Variants in ACTR3C observed in about 807,000 individuals in gnomAD.
The protein encoded by ACTR3C is actin related protein 3C, also known as actin-related protein 3C.
ACTR3C carries 18 observed loss-of-function variants against 26.3 expected under a neutral mutation model. That is an observed-to-expected ratio of 0.68 (90% CI 0.47 to 1.01). The LOEUF (loss-of-function observed/expected upper bound fraction) is 1.01, where lower values mean the gene tolerates loss of function less well. Among genes scored for constraint, ACTR3C ranks in the 50% least tolerant of loss-of-function variants. ACTR3C has a pLI of 0.00. For missense variants in ACTR3C, 184 were observed against 250.7 expected (o/e 0.73, Z 1.80); for synonymous variants, 55 against 94.5 (o/e 0.58, Z 2.42).
chr7:150,320,201 G>A (rs905071651), intron 1 of ACTR3C, among the ~76,000 whole-genome samples: 4 of 152,210 alleles, frequency 2.6e-5, no homozygotes, highest in Admixed American at 6.5e-5. Flanking sequence ...AGGGTGAGTC[G>A]CAAAGTACAG....
chr7:150,322,903 T>C (rs1001693033), intron 1 of ACTR3C: 4 of 152,390 alleles, frequency 2.6e-5, no homozygotes, highest in African/African-American at 9.6e-5. Flanking sequence ...CCTGGATCCT[T>C]ATCGTCTTTG....
the ACTR3C span, among the ~76,000 whole-genome samples, chr7:150,041,775 C>CA: frequency 1.7e-5 from 2 of 117,934 alleles, no homozygotes; most frequent in South Asian, 5.8e-4. Flanking sequence ...GACTGGCTCT[C>CA]AGTCCCTGCC....
chr7:150,313,931 G>T (rs932738375), intron 1 of ACTR3C, among the ~76,000 whole-genome samples: 4 of 152,224 alleles, frequency 2.6e-5, no homozygotes, highest in Non-Finnish European at 5.9e-5. Context: ...GGACTGTGAA[G>T]AAGATGCACC....
At chr7:150,064,876 A>G in the ACTR3C span, among the ~76,000 whole-genome samples, 2 of 152,216 alleles carry the variant, frequency 1.3e-5, no homozygotes, top group African/African-American at 4.8e-5. Flanking sequence ...TGGTACTACT[A>G]TGTAAAAAGG....
chr7:150,070,693 TG>T, the ACTR3C span, among the ~76,000 whole-genome samples: 1 of 152,120 alleles, frequency 6.6e-6, no homozygotes, highest in Non-Finnish European at 1.5e-5. Flanking sequence ...TCAAGTGATC[TG>T]CCCCCCTCAG....
At chr7:150,303,785 T>C (rs1288415672) in intron 1 of ACTR3C, among the ~76,000 whole-genome samples, 2 of 152,242 alleles carry the variant, frequency 1.3e-5, no homozygotes, top group Non-Finnish European at 2.9e-5. Flanking sequence ...GGGTTTTTTC[T>C]CTCTTTAAGA....
chr7:149,993,023 G>A, the ACTR3C span, among the ~76,000 whole-genome samples: 2 of 151,472 alleles, frequency 1.3e-5, no homozygotes, highest in Admixed American at 1.3e-4. Context: ...GCTGAAAGAA[G>A]CATCCAGCAC....
intron 1 of ACTR3C, among the ~76,000 whole-genome samples, chr7:150,299,381 G>A (rs1171891701): frequency 4.7e-5 from 7 of 147,808 alleles, no homozygotes; most frequent in Non-Finnish European, 1.0e-4. Context: ...AGCCCAGGAG[G>A]TCGAGGCTGT....
At chr7:150,209,051 G>T in the ACTR3C span, among the ~76,000 whole-genome samples, 1 of 152,002 alleles carries the variant, frequency 6.6e-6, no homozygotes, top group Non-Finnish European at 1.5e-5. Flanking sequence ...AAATATTAAT[G>T]AACTTGAAGA....
the ACTR3C span, among the ~76,000 whole-genome samples, chr7:150,047,072 G>C: frequency 5.3e-5 from 8 of 151,864 alleles, no homozygotes; most frequent in South Asian, 4.2e-4. Context: ...CCGCTGGGGG[G>C]AAAAAGTGTC....
At chr7:150,225,930 A>G in the ACTR3C span, among the ~76,000 whole-genome samples, 1 of 152,236 alleles carries the variant, frequency 6.6e-6, no homozygotes, top group Non-Finnish European at 1.5e-5. Flanking sequence ...AGAATGTCAT[A>G]TAATGGAAAT....
downstream of ACTR3C, among the ~76,000 whole-genome samples, chr7:150,243,057 C>T (rs1170024161): frequency 6.6e-6 from 1 of 152,100 alleles, no homozygotes; most frequent in Non-Finnish European, 1.5e-5. Flanking sequence ...AGAGTTATTA[C>T]ATTTACTGTG....
chr7:150,098,848 C>A, the ACTR3C span, among the ~76,000 whole-genome samples: 4 of 151,546 alleles, frequency 2.6e-5, no homozygotes, highest in East Asian at 7.7e-4. Flanking sequence ...TAGGGGAACA[C>A]AAGGAAATCA....
At chr7:150,163,456 T>C in the ACTR3C span, among the ~76,000 whole-genome samples, 1 of 151,488 alleles carries the variant, frequency 6.6e-6, no homozygotes, top group Non-Finnish European at 1.5e-5. Flanking sequence ...ACTTATCTGT[T>C]TGTGTATATA....
the ACTR3C span, among the ~76,000 whole-genome samples, chr7:149,889,576 A>G: frequency 2.0e-5 from 3 of 152,216 alleles, no homozygotes; most frequent in Non-Finnish European, 4.4e-5. Flanking sequence ...TTAAAGTCAC[A>G]ATGAGACATT....
At chr7:149,933,149 A>G in the ACTR3C span, among the ~76,000 whole-genome samples, 17 of 139,938 alleles carry the variant, frequency 1.2e-4, no homozygotes, top group African/African-American at 3.9e-4. Flanking sequence ...TGGCCCAGGT[A>G]CTTCCCACCC....
At chr7:149,994,402 A>G in the ACTR3C span, among the ~76,000 whole-genome samples, 1 of 152,170 alleles carries the variant, frequency 6.6e-6, no homozygotes, top group Non-Finnish European at 1.5e-5. Context: ...GTTTGAGACC[A>G]GCATAGCCAA....
the ACTR3C span, among the ~76,000 whole-genome samples, chr7:150,147,763 C>G: frequency 6.6e-6 from 1 of 151,544 alleles, no homozygotes; most frequent in African/African-American, 2.4e-5. Context: ...AGCTGCAGGA[C>G]GTTTCAGTCC....
At chr7:150,251,190 T>C (rs975798081) in intron 6 of ACTR3C, among the ~76,000 whole-genome samples, 5 of 152,226 alleles carry the variant, frequency 3.3e-5, no homozygotes, top group African/African-American at 1.2e-4. Context: ...GGAAATATTC[T>C]CATTTCTAAT....
Sources: gnomAD v4.1 joint callset for allele counts (sites outside exome capture counted in the v4.1 genomes callset) on GRCh38, gnomAD v4.1.1 for gene constraint, MANE v1.5 for transcripts, NCBI Gene and HGNC (gene_info 2026-07-23, HGNC 2026-07-21) for gene names.